The following ARHGAP15 variants were observed in gnomAD, a reference collection of about 807,000 sequenced individuals.
The protein encoded by ARHGAP15 is Rho GTPase activating protein 15.
In ARHGAP15, 51 loss-of-function variants were observed where a neutral mutation model predicts 63.7. That is an observed-to-expected ratio of 0.80 (90% CI 0.64 to 1.01). The LOEUF (loss-of-function observed/expected upper bound fraction) is 1.01. Among genes scored for constraint, ARHGAP15 ranks in the 50% least tolerant of loss-of-function variants. ARHGAP15 has a pLI of 0.00. For missense variants in ARHGAP15, 560 were observed against 564.6 expected (o/e 0.99, Z 0.08); for synonymous variants, 191 against 193.8 (o/e 0.99, Z 0.12).
At chr2:143,637,314 TTAATATTA>T (rs1325681184) in intron 12 of ARHGAP15, among the ~76,000 whole-genome samples, 1 of 152,166 alleles carries the variant, frequency 6.6e-6, no homozygotes, top group Non-Finnish European at 1.5e-5. Flanking sequence ...TTTTTCCTTA[TTAATATTA>T]TACTATTGGG....
At chr2:143,594,124 A>G (rs1217794845) in intron 11 of ARHGAP15, among the ~76,000 whole-genome samples, 1 of 152,140 alleles carries the variant, frequency 6.6e-6, no homozygotes, top group East Asian at 1.9e-4. Context: ...TAAAAGGAGG[A>G]AAAAAGAGCC....
At chr2:143,360,880 G>A (rs1686021326) in intron 6 of ARHGAP15, among the ~76,000 whole-genome samples, 1 of 152,148 alleles carries the variant, frequency 6.6e-6, no homozygotes. Context: ...GGTTCTTAAT[G>A]TTTTATGTTC....
At chr2:143,275,369 T>C (rs1047224225) in intron 6 of ARHGAP15, among the ~76,000 whole-genome samples, 1 of 152,118 alleles carries the variant, frequency 6.6e-6, no homozygotes, top group Non-Finnish European at 1.5e-5. Flanking sequence ...AAATGGAAAT[T>C]AACTAGTAAG....
intron 13 of ARHGAP15, among the ~76,000 whole-genome samples, chr2:143,757,469 C>A (rs534007412): frequency 6.6e-6 from 1 of 152,126 alleles, no homozygotes; most frequent in South Asian, 2.1e-4. Flanking sequence ...CGAGACAATG[C>A]GACTACATTC....
At chr2:143,248,912 G>A (rs1004515581) in intron 5 of ARHGAP15, among the ~76,000 whole-genome samples, 1 of 152,146 alleles carries the variant, frequency 6.6e-6, no homozygotes, top group Non-Finnish European at 1.5e-5. Context: ...TGACTTGACT[G>A]TATGGGAAAA....
intron 13 of ARHGAP15, among the ~76,000 whole-genome samples, chr2:143,717,141 T>A (rs1197835836): frequency 6.6e-6 from 1 of 152,260 alleles, no homozygotes. Flanking sequence ...CTGCCTTTTA[T>A]CACCTTCTTT....
At chr2:143,486,669 C>A (rs1360125280) in intron 8 of ARHGAP15, among the ~76,000 whole-genome samples, 1 of 152,172 alleles carries the variant, frequency 6.6e-6, no homozygotes, top group Non-Finnish European at 1.5e-5. Flanking sequence ...AATTCACAGC[C>A]TTTAGCATGG....
intron 4 of ARHGAP15, among the ~76,000 whole-genome samples, chr2:143,224,922 T>C (rs1329993290): frequency 6.6e-6 from 1 of 152,214 alleles, no homozygotes; most frequent in Non-Finnish European, 1.5e-5. Flanking sequence ...GATACCATCA[T>C]TCTCAGCAAC....
chr2:143,150,418 A>C (rs1350783437), intron 1 of ARHGAP15, among the ~76,000 whole-genome samples: 1 of 151,972 alleles, frequency 6.6e-6, no homozygotes, highest in South Asian at 2.1e-4. Context: ...CCAGGACACC[A>C]TCGAACCACG....
intron 3 of ARHGAP15, among the ~76,000 whole-genome samples, chr2:143,203,605 C>A (rs1692212144): frequency 6.6e-6 from 1 of 152,042 alleles, no homozygotes; most frequent in Non-Finnish European, 1.5e-5. Flanking sequence ...CAAATAAGCA[C>A]ATATATCCCC....
intron 9 of ARHGAP15, among the ~76,000 whole-genome samples, chr2:143,505,056 G>A (rs1203913236): frequency 2.0e-5 from 3 of 152,150 alleles, no homozygotes; most frequent in African/African-American, 7.2e-5. Flanking sequence ...CACTGTGTCT[G>A]AGGCTCTTTC....
chr2:143,378,434 T>A (rs1686907925), intron 6 of ARHGAP15, among the ~76,000 whole-genome samples: 1 of 152,060 alleles, frequency 6.6e-6, no homozygotes, highest in Admixed American at 6.6e-5. Context: ...TTCCCAGTTA[T>A]CTATCCAAAA....
At chr2:143,545,175 G>C (rs1310164758) in intron 10 of ARHGAP15, among the ~76,000 whole-genome samples, 1 of 152,156 alleles carries the variant, frequency 6.6e-6, no homozygotes, top group Non-Finnish European at 1.5e-5. Context: ...ACTCACTTGA[G>C]AGGCAGCGGC....
chr2:143,392,315 A>G (rs1312861739), intron 6 of ARHGAP15, among the ~76,000 whole-genome samples: 1 of 152,180 alleles, frequency 6.6e-6, no homozygotes, highest in African/African-American at 2.4e-5. Flanking sequence ...AAAAAGAAAT[A>G]TTATCCTGCC....
intron 6 of ARHGAP15, among the ~76,000 whole-genome samples, chr2:143,302,818 G>A (rs752488545): frequency 6.6e-6 from 1 of 151,962 alleles, no homozygotes; most frequent in African/African-American, 2.4e-5. Flanking sequence ...TTGACCAGAA[G>A]TAAACTCTTG....
intron 8 of ARHGAP15, among the ~76,000 whole-genome samples, chr2:143,478,298 C>T (rs543172876): frequency 1.3e-4 from 20 of 152,142 alleles, no homozygotes; most frequent in Non-Finnish European, 2.5e-4. Context: ...ACTCATCTTA[C>T]CTAAGATGAC....
intron 11 of ARHGAP15, among the ~76,000 whole-genome samples, chr2:143,611,793 C>T (rs1451561200): frequency 3.3e-5 from 5 of 152,170 alleles, no homozygotes; most frequent in Non-Finnish European, 5.9e-5. Context: ...CCTAGCTACT[C>T]TTTCTCAAGT....
At chr2:143,621,237 T>G (rs1322755549) in intron 11 of ARHGAP15, among the ~76,000 whole-genome samples, 1 of 152,192 alleles carries the variant, frequency 6.6e-6, no homozygotes, top group South Asian at 2.1e-4. Flanking sequence ...ATGTCAATAG[T>G]GTGGTGCTTT....
At chr2:143,335,821 T>C (rs563805367) in intron 6 of ARHGAP15, among the ~76,000 whole-genome samples, 18 of 152,082 alleles carry the variant, frequency 1.2e-4, no homozygotes, top group African/African-American at 4.3e-4. Context: ...ACATTTGAGG[T>C]GGTTCATGAA....
Sources: gnomAD v4.1 joint callset for allele counts (sites outside exome capture counted in the v4.1 genomes callset) on GRCh38, gnomAD v4.1.1 for gene constraint, MANE v1.5 for transcripts, NCBI Gene and HGNC (gene_info 2026-07-23, HGNC 2026-07-21) for gene names.